Variants in ZNF618 observed in about 807,000 individuals in gnomAD.
ZNF618 encodes neural precursor cell expressed, developmentally down-regulated 10.
Under a neutral mutation model 103.0 loss-of-function variants are expected in ZNF618, and 34 were observed. The ratio of observed to expected loss-of-function variants is 0.33; its 90% CI spans 0.25 to 0.44. The LOEUF is 0.44. ZNF618 is among the 20% of genes least tolerant of loss of function. The pLI is 1.00. For synonymous variants in ZNF618, 551 were observed against 542.2 expected (o/e 1.02, Z -0.23); for missense variants, 1,059 against 1,295.4 (o/e 0.82, Z 2.80).
At chr9:113,940,925 T>TTTC (rs1389612365) in intron 1 of ZNF618, among the ~76,000 whole-genome samples, 4 of 152,204 alleles carry the variant, frequency 2.6e-5, no homozygotes, top group African/African-American at 9.6e-5. Context: ...TGATTTCTCG[T>TTTC]TTAAGTGTCA....
chr9:114,041,717 T>G (rs925450822), intron 13 of ZNF618, among the ~76,000 whole-genome samples: 4 of 152,200 alleles, frequency 2.6e-5, no homozygotes, highest in African/African-American at 9.7e-5. Flanking sequence ...TACCATGCTG[T>G]TTTGGTTACT....
chr9:113,891,207 G>A (rs1021554075), intron 1 of ZNF618, among the ~76,000 whole-genome samples: 3 of 152,166 alleles, frequency 2.0e-5, no homozygotes, highest in Non-Finnish European at 4.4e-5. Flanking sequence ...TAGTGAAAAG[G>A]CAACCTACAG....
chr9:113,879,416 ATTGG>A (rs1368916460), intron 1 of ZNF618, among the ~76,000 whole-genome samples: 2 of 133,472 alleles, frequency 1.5e-5, no homozygotes, highest in African/African-American at 5.9e-5. Flanking sequence ...TTTTTTTTAA[ATTGG>A]TTATTCTGAT....
At chr9:113,962,487 A>AT (rs1836943616) in intron 1 of ZNF618, among the ~76,000 whole-genome samples, 1 of 152,162 alleles carries the variant, frequency 6.6e-6, no homozygotes, top group African/African-American at 2.4e-5. Flanking sequence ...TCCAGAGTAG[A>AT]AGCCAAGGCT....
intron 3 of ZNF618, among the ~76,000 whole-genome samples, chr9:113,992,517 G>A (rs1410842899): frequency 1.3e-5 from 2 of 152,180 alleles, no homozygotes; most frequent in African/African-American, 4.8e-5. Flanking sequence ...CACCGGGCAT[G>A]GGGGAGTTAA....
chr9:113,965,462 G>A (rs1317664425), intron 1 of ZNF618, among the ~76,000 whole-genome samples: 2 of 152,106 alleles, frequency 1.3e-5, no homozygotes, highest in Non-Finnish European at 2.9e-5. Flanking sequence ...TAAGGAATGG[G>A]TGGGGCTGGG....
At chr9:113,920,283 A>G (rs1026150509) in intron 1 of ZNF618, among the ~76,000 whole-genome samples, 3 of 152,068 alleles carry the variant, frequency 2.0e-5, no homozygotes, top group East Asian at 1.9e-4. Context: ...AGACCCCTTA[A>G]TGGTGATTTA....
intron 6 of ZNF618, among the ~76,000 whole-genome samples, chr9:114,005,847 C>T (rs1841701336): frequency 6.6e-6 from 1 of 152,234 alleles, no homozygotes; most frequent in Non-Finnish European, 1.5e-5. Context: ...CAGGAATCAG[C>T]TCATCTACAT....
rs773985447 is a variant in ZNF618, at chr9:114,050,109, G to A, written c.2807G>A (p.Arg936Gln). ...CEQALLIKRR[R>Q]LLSPEDMNKL... Reference sequence around the variant, plus strand: ...CAAGCGCTTCTAATCAAACGGAGGCGGCTGCTCAGTCCAGAAGATATGAAT... The same window carrying A: ...CAAGCGCTTCTAATCAAACGGAGGCAGCTGCTCAGTCCAGAAGATATGAAT... Residue 936 changes from arginine to glutamine, a missense_variant, in exon 15 of 15, where the codon CGG (arginine) becomes CAG (glutamine). Around this residue, in one of 6 missense-constraint regions of ZNF618, gnomAD observed 156 missense variants for 197.1 expected, o/e 0.79. Coordinates refer to ENST00000374126, the MANE Select transcript of ZNF618 (RefSeq NM_001318042.2). The A allele has an allele frequency of 8.7e-6, 14 of 1,607,016 alleles. No homozygotes were observed. Among genetic ancestry groups the A allele is most frequent in the Non-Finnish European group, 1.2e-5 (14 of 1,177,584 alleles).
intron 10 of ZNF618, 115 bp downstream of exon 10, chr9:114,016,899 G>A: frequency 1.3e-6 from 1 of 768,854 alleles, no homozygotes; most frequent in Non-Finnish European, 2.1e-6. Context: ...GGTGAGCTCA[G>A]TTCTGGGTCA....
At chr9:114,039,555 T>C (rs1399521499) in intron 13 of ZNF618, among the ~76,000 whole-genome samples, 2 of 152,104 alleles carry the variant, frequency 1.3e-5, no homozygotes, top group Non-Finnish European at 2.9e-5. Flanking sequence ...TTCACCACGT[T>C]GGCCAGGCTG....
At chr9:113,886,748 A>T (rs1186030336) in intron 1 of ZNF618, among the ~76,000 whole-genome samples, 1 of 152,130 alleles carries the variant, frequency 6.6e-6, no homozygotes, top group African/African-American at 2.4e-5. Context: ...ATAGCATCTA[A>T]GCCTGTGCCA....
rs758325577 is a variant in ZNF618 at position 114,049,543 on chromosome 9, C to A, written c.2241C>A (p.Ile747=). 6.2e-7 allele frequency: 1 copy of A among 1,613,822 alleles called. No individual in the cohort carries two copies. The highest frequency in any genetic ancestry group is 1.7e-5 in the Admixed American group (1 of 60,018). The stretch of plus-strand genomic sequence containing the variant: ...TGACGCCGGTGAAGCAGGCAGTCAT[C>A]GAGCTGAGCAACGAGAGCCAGCCCA... The part of the protein sequence containing the change: ...AILTPVKQAV[I]ELSNESQPTL... Residue 747 remains isoleucine, a synonymous_variant, in exon 15 of 15, where the codon ATC becomes ATA. Transcript: ENST00000374126.
At chr9:113,974,150 AG>A (rs1433674242) in intron 2 of ZNF618, among the ~76,000 whole-genome samples, 4 of 152,242 alleles carry the variant, frequency 2.6e-5, no homozygotes, top group African/African-American at 9.6e-5. Context: ...CTTGTTAGAT[AG>A]TAACAAGTGT....
intron 9 of ZNF618, among the ~76,000 whole-genome samples, chr9:114,012,996 A>AT (rs983146456): frequency 2.0e-5 from 3 of 152,140 alleles, no homozygotes; most frequent in African/African-American, 7.2e-5. Flanking sequence ...TATAGGAAAA[A>AT]AAAAAAACCT....
rs1328662832 is a variant in ZNF618 at position 114,049,278 on chromosome 9, A to G, written c.1976A>G (p.His659Arg). 2.5e-6 allele frequency: 4 copies of G among 1,612,438 alleles called. No individual in the cohort carries two copies. Among genetic ancestry groups the G allele is most frequent in the Non-Finnish European group, 3.4e-6 (4 of 1,179,698 alleles). ...CGGACACTGCAGGCCCGCAGCATGC[A>G]CGAGGTCATCGAGCTGCTCAACGTG... is the stretch of plus-strand genomic sequence containing the variant. ...SKRTLQARSM[H>R]EVIELLNVCE... The change falls in exon 15 of 15, where the codon CAC becomes CGC. Residue 659 changes from histidine to arginine, a missense_variant. His to Arg is a conservative substitution (Grantham distance 29). This residue lies in a region of ZNF618 where 272 missense variants were observed against 380.1 expected (regional missense o/e 0.72). Coordinates refer to ENST00000374126, the MANE Select transcript of ZNF618 (RefSeq NM_001318042.2).
At chr9:113,896,304 A>G (rs1442769837) in intron 1 of ZNF618, among the ~76,000 whole-genome samples, 1 of 152,054 alleles carries the variant, frequency 6.6e-6, no homozygotes, top group Non-Finnish European at 1.5e-5. Context: ...TTAATCAATG[A>G]ATTTTCCTCT....
intron 10 of ZNF618, among the ~76,000 whole-genome samples, chr9:114,022,261 A>G (rs898860184): frequency 6.6e-5 from 10 of 152,026 alleles, no homozygotes; most frequent in Non-Finnish European, 1.3e-4. Flanking sequence ...GTTGGGTATC[A>G]GAGTATTGCA....
At chr9:113,893,617 A>T (rs1829795245) in intron 1 of ZNF618, among the ~76,000 whole-genome samples, 1 of 152,114 alleles carries the variant, frequency 6.6e-6, no homozygotes, top group African/African-American at 2.4e-5. Flanking sequence ...TTGTCTTCCT[A>T]ATGACAAAGC....
Sources: allele counts gnomAD v4.1 joint callset (sites outside exome capture counted in the v4.1 genomes callset), GRCh38; gene constraint gnomAD v4.1.1; regional missense constraint gnomAD v4.1.1; transcripts MANE v1.5; gene names NCBI Gene and HGNC (gene_info 2026-07-23, HGNC 2026-07-21).